The following EVC variants were observed in gnomAD, a reference collection of about 807,000 sequenced individuals.
EVC encodes the protein evC complex member EVC.
Under a neutral mutation model 118.9 loss-of-function variants are expected in EVC, and 116 were observed. The ratio of observed to expected loss-of-function variants is 0.98; its 90% CI spans 0.84 to 1.14. The LOEUF is 1.14. EVC is among the 50% of genes most tolerant of loss of function. The pLI is 0.00. For missense variants in EVC, 1,401 were observed against 1,246.4 expected (o/e 1.12, Z -1.87); for synonymous variants, 619 against 534.7 (o/e 1.16, Z -2.18).
In EVC at chr4:5,798,771, C is replaced by G; in HGVS notation, c.2283C>G (p.Ala761=). ...GGAATGCAGCCACCAAGAGCCGGGCCAAGGACAGGGATGACTTCAAGGTAT... is the reference window on the plus strand; with the variant it reads ...GGAATGCAGCCACCAAGAGCCGGGCGAAGGACAGGGATGACTTCAAGGTAT... ...HARNAATKSR[A]KDRDDFKRTL... The change falls in exon 15 of 21, where the codon GCC becomes GCG. Residue 761 remains alanine (A), a synonymous_variant. Coordinates refer to ENST00000264956, the MANE Select transcript of EVC (RefSeq NM_153717.3). This position sits in a 1 kb window ranked among gnomAD's most constrained non-coding sequence, Gnocchi z 4.1. 1 of 1,611,104 alleles carries G rather than the reference C, an allele frequency of 6.2e-7. No individual in the cohort carries two copies. The highest frequency in any genetic ancestry group is 1.1e-5 in the South Asian group (1 of 90,854).
At chr4:5,827,807 A>G in the EVC span, among the ~76,000 whole-genome samples, 3 of 152,050 alleles carry the variant, frequency 2.0e-5, no homozygotes, top group Non-Finnish European at 4.4e-5. Context: ...AGCAGCTGCC[A>G]TGGGGATGGG....
In EVC at chr4:5,743,776, A is replaced by G. The variant is rs1728964765; in HGVS notation, c.802-1428A>G. On this transcript the variant is annotated intron_variant, in intron 6 of 20. Transcript: ENST00000264956. This position sits in a 1 kb window ranked among gnomAD's most constrained non-coding sequence, Gnocchi z 4.7. ...GCAGTGCACGTCGTGCTTGACATAC[A>G]TTATTTCATTTAATAGTTATGACAG... Among the ~76,000 whole-genome samples, 1 of 152,194 alleles carries G rather than the reference A, an allele frequency of 6.6e-6. No individual in the cohort carries two copies. The highest frequency in any genetic ancestry group is 2.1e-4 in the South Asian group (1 of 4,818).
rs1728867581 is a variant in EVC at position 5,743,209 on chromosome 4, A to G, written c.801+1395A>G. Among the ~76,000 whole-genome samples, 1 of 152,084 alleles carries G rather than the reference A, an allele frequency of 6.6e-6. No homozygotes were observed. Among genetic ancestry groups the G allele is most frequent in the Non-Finnish European group, 1.5e-5 (1 of 68,014 alleles). On this transcript the variant is annotated intron_variant, in intron 6 of 20. Coordinates refer to ENST00000264956, the MANE Select transcript of EVC (RefSeq NM_153717.3). The surrounding 1 kb of genome is among the most constrained non-coding windows in gnomAD (Gnocchi z 4.7). ...GCAGCAAGGGATCACTTTCATCACC[A>G]TCCACTGGTTCCTGCCGGTTTCTTC...
Position 5,798,539 on chromosome 4 carries a change from CTG to C in EVC, c.2098-44_2098-43del, listed in dbSNP as rs1714386905. The C allele has an allele frequency of 6.5e-7, 1 of 1,536,240 alleles. No homozygotes were observed. Among genetic ancestry groups the C allele is most frequent in the South Asian group, 1.2e-5 (1 of 83,714 alleles). On this transcript the variant is annotated intron_variant, in intron 14 of 20. Transcript: ENST00000264956. This position sits in a 1 kb window ranked among gnomAD's most constrained non-coding sequence, Gnocchi z 4.1. ...CATCCCAGTCCTGGCCAGAGCTTCT[CTG>C]TGAGAGGAGCACTTGGCCCCTGCTC...
At chr4:5,818,127 A>G (rs1311484889), downstream of EVC, among the ~76,000 whole-genome samples, 1 of 152,134 alleles carries the variant, frequency 6.6e-6, no homozygotes, top group Non-Finnish European at 1.5e-5. Flanking sequence ...GTGGTAGTGA[A>G]TAAGTCTCAA....
Position 5,746,187 on chromosome 4 carries a change from A to G in EVC, c.939+846A>G, listed in dbSNP as rs1211075900. Among the ~76,000 whole-genome samples the G allele has an allele frequency of 6.6e-6, 1 of 152,234 alleles. No homozygotes were observed. ...CAGCGAGATGGGAGTGTCTATTGCC[A>G]GCGAGGTGGGAGTCACTGAAGCTTT... On this transcript the variant is annotated intron_variant, in intron 7 of 20. Coordinates refer to ENST00000264956, the MANE Select transcript of EVC (RefSeq NM_153717.3). The surrounding 1 kb of genome is among the most constrained non-coding windows in gnomAD (Gnocchi z 5.8).
At position 5,752,996 on chromosome 4, in the gene EVC, A is replaced by AGTT; in HGVS notation, c.1260_1261insTTG (p.Leu422dup). On this transcript the variant is annotated inframe_insertion, in exon 9 of 21. Transcript: ENST00000264956. ...AAGCTGTCCGGGCGGCAGAAGGAGG[A>AGTT]GCTGCTCACGCAGCAGCACAAGGCC... 1.4e-5 allele frequency: 22 copies of AGTT among 1,613,072 alleles called. No individual in the cohort carries two copies. Among genetic ancestry groups the AGTT allele is most frequent in the Non-Finnish European group, 1.9e-5 (22 of 1,179,696 alleles).
At position 5,798,716 on chromosome 4, in the gene EVC, C is replaced by T. The variant is rs1376630547; in HGVS notation, c.2228C>T (p.Ala743Val). Residue 743 changes from alanine to valine, a missense_variant, in exon 15 of 21, where the codon GCC becomes GTC. Ala to Val is a moderately conservative substitution (Grantham distance 64). Transcript: ENST00000264956. This position sits in a 1 kb window ranked among gnomAD's most constrained non-coding sequence, Gnocchi z 4.1. ...CTTCTGCAGCAGCACATGGAGTGCG[C>T]CATTGGGCAGGCGCTGCTGGTGCAT... ...GQLLQQHMEC[A>V]IGQALLVHAR... The T allele has an allele frequency of 1.9e-6, 3 of 1,610,476 alleles. No homozygotes were observed. The highest frequency in any genetic ancestry group is 2.7e-5 in the African/African-American group (2 of 74,874).
intron 13 of EVC, among the ~76,000 whole-genome samples, chr4:5,794,343 T>TATTTATATATTTA (rs1713466158): frequency 5.1e-5 from 2 of 39,366 alleles, no homozygotes; most frequent in African/African-American, 1.4e-4. Flanking sequence ...ATTTATATAC[T>TATTTATATATTTA]TATATATATA....
rs779056864 is a variant in EVC, at chr4:5,793,652, C to T, written c.1821C>T (p.His607=). The T allele has an allele frequency of 2.6e-6, 4 of 1,552,970 alleles. No individual in the cohort carries two copies. Among genetic ancestry groups the T allele is most frequent in the Middle Eastern group, 1.9e-4 (1 of 5,358 alleles). ...ECALSSVLQT[H]LREDHEGTIR... ...CGCTGTCCAGCGTGCTGCAGACACACCTGCGGGAGGACCACGAGGGCACCA... is the reference window on the plus strand; with the variant it reads ...CGCTGTCCAGCGTGCTGCAGACACATCTGCGGGAGGACCACGAGGGCACCA... The change falls in exon 13 of 21, where the codon CAC becomes CAT. Residue 607 remains histidine (H), a synonymous_variant. Coordinates refer to ENST00000264956, the MANE Select transcript of EVC (RefSeq NM_153717.3).
At chr4:5,778,280 A>G (rs986179273) in intron 11 of EVC, among the ~76,000 whole-genome samples, 3 of 151,898 alleles carry the variant, frequency 2.0e-5, no homozygotes, top group Admixed American at 6.5e-5. Context: ...GCTATTGTGA[A>G]TAGTGCCGCA....
chr4:5,799,512 A>C (rs1024989317), intron 15 of EVC, among the ~76,000 whole-genome samples: 1 of 152,210 alleles, frequency 6.6e-6, no homozygotes, highest in Admixed American at 6.5e-5. Context: ...CCGGGGCTGC[A>C]GGAGAATGAC....
chr4:5,818,588 CAG>C (rs1379938401), downstream of EVC, among the ~76,000 whole-genome samples: 3 of 152,088 alleles, frequency 2.0e-5, no homozygotes, highest in Admixed American at 2.0e-4. Context: ...ATCAGTGAGT[CAG>C]TGGATTAATG....
chr4:5,761,452 G>A (rs1439355401), intron 11 of EVC, among the ~76,000 whole-genome samples: 2 of 124,964 alleles, frequency 1.6e-5, no homozygotes, highest in Non-Finnish European at 3.2e-5. Context: ...TTCCAAAGAG[G>A]TTCTCAGGAG....
intron 1 of EVC, among the ~76,000 whole-genome samples, chr4:5,714,018 C>T (rs887513270): frequency 8.5e-5 from 13 of 152,238 alleles, no homozygotes; most frequent in African/African-American, 2.4e-4. Context: ...CTTGCCTCAT[C>T]CTGCTCTCCA....
chr4:5,816,009 A>G (rs192405218), downstream of EVC, among the ~76,000 whole-genome samples: 44 of 151,866 alleles, frequency 2.9e-4, no homozygotes, highest in Middle Eastern at 6.8e-3. Flanking sequence ...GGCCAGGAAT[A>G]CTATTTTCCC....
chr4:5,787,513 G>A (rs1711911185), intron 12 of EVC, among the ~76,000 whole-genome samples: 2 of 152,200 alleles, frequency 1.3e-5, no homozygotes, highest in South Asian at 2.1e-4. Context: ...GGGAATGCAA[G>A]TGCCCTCTAG....
chr4:5,821,760 T>G, the EVC span: 1 of 1,608,254 alleles, frequency 6.2e-7, no homozygotes. The surrounding 1 kb of genome is among the most constrained non-coding windows in gnomAD (Gnocchi z 4.4). Flanking sequence ...GCATCCACGT[T>G]CAACCGAGGC....
chr4:5,720,200 G>A (rs925316510), intron 2 of EVC, among the ~76,000 whole-genome samples: 1 of 152,114 alleles, frequency 6.6e-6, no homozygotes, highest in Admixed American at 6.5e-5. Flanking sequence ...GGGAAGAGAT[G>A]GAACTAGCAT....
Sources: allele counts gnomAD v4.1 joint callset (sites outside exome capture counted in the v4.1 genomes callset), GRCh38; gene constraint gnomAD v4.1.1; non-coding constraint Gnocchi (gnomAD v3.1); transcripts MANE v1.5; gene names NCBI Gene and HGNC (gene_info 2026-07-23, HGNC 2026-07-21).